SGCD: variants seen among roughly 807,000 people sequenced by gnomAD.
SGCD encodes delta-sarcoglycan.
SGCD carries 18 observed loss-of-function variants against 36.6 expected under a neutral mutation model. The observed-to-expected ratio is 0.49, with a 90% CI of 0.34 to 0.73. The LOEUF (loss-of-function observed/expected upper bound fraction) is 0.73, where lower values mean the gene tolerates loss of function less well. Ranked by LOEUF, SGCD falls within the 30% of genes least tolerant of loss-of-function variation. The probability of loss-of-function intolerance (pLI) is 0.01; values close to 1 mark genes in which losing one functional copy is unlikely to be tolerated. For synonymous variants in SGCD, 133 were observed against 130.6 expected, an observed-to-expected ratio of 1.02 and a Z score of -0.12; for missense variants, 387 against 346.7, an observed-to-expected ratio of 1.12 and a Z score of -0.92.
At chr5:155,957,007 A>C (rs951967028) in intron 1 of SGCD, among the ~76,000 whole-genome samples, 2 of 152,056 alleles carry the variant, frequency 1.3e-5, no homozygotes, top group African/African-American at 4.8e-5. Context: ...CAGTGTTGCT[A>C]TCACAGTATG....
Position 156,629,730 on chromosome 5 carries a change from G to A in SGCD, c.503-17734G>A, listed in dbSNP as rs534804106. ...GTGGGAAAGCAGCCATAAACAATAG[G>A]TAATCAAATGAATATGGCTGTGTTC... On this transcript the variant is annotated intron_variant, in intron 6 of 8. Coordinates refer to ENST00000337851, the MANE Select transcript of SGCD (RefSeq NM_000337.6). Among the ~76,000 whole-genome samples, 3 of 152,208 alleles carry A rather than the reference G, an allele frequency of 2.0e-5. No individual in the cohort carries two copies. In the East Asian group the frequency reaches 5.8e-4, roughly 29 times the overall value.
intron 3 of SGCD, among the ~76,000 whole-genome samples, chr5:156,225,675 T>A (rs895814980): frequency 6.6e-6 from 1 of 152,092 alleles, no homozygotes; most frequent in African/African-American, 2.4e-5. Flanking sequence ...TTGATTATTG[T>A]CTCTATCAAT....
At chr5:156,288,397 G>A (rs2127676587) in intron 3 of SGCD, among the ~76,000 whole-genome samples, 1 of 152,270 alleles carries the variant, frequency 6.6e-6, no homozygotes, top group Middle Eastern at 3.4e-3. Flanking sequence ...TTCTTTGCCT[G>A]CTGGAAATTA....
At chr5:156,399,481 A>C (rs1235895558) in intron 3 of SGCD, among the ~76,000 whole-genome samples, 4 of 152,216 alleles carry the variant, frequency 2.6e-5, no homozygotes, top group Admixed American at 2.6e-4. Context: ...GAGGATATCC[A>C]GTGTGGCTTT....
chr5:156,041,667 G>A (rs1759637137), intron 1 of SGCD, among the ~76,000 whole-genome samples: 1 of 152,172 alleles, frequency 6.6e-6, no homozygotes, highest in Admixed American at 6.5e-5. Context: ...TGAAGAGAGA[G>A]TGCTCTCTAT....
chr5:156,172,514 T>A (rs1202663000), intron 3 of SGCD, among the ~76,000 whole-genome samples: 1 of 152,214 alleles, frequency 6.6e-6, no homozygotes, highest in East Asian at 1.9e-4. Flanking sequence ...GGAGATTGAG[T>A]TTGATGACTC....
At chr5:156,019,674 C>T (rs1489014893) in intron 1 of SGCD, among the ~76,000 whole-genome samples, 3 of 152,120 alleles carry the variant, frequency 2.0e-5, no homozygotes, top group Admixed American at 6.5e-5. Context: ...AACACAGTGC[C>T]GTAAATTCAG....
chr5:155,904,578 A>G (rs77814937), intron 1 of SGCD, among the ~76,000 whole-genome samples: 1 of 152,144 alleles, frequency 6.6e-6, no homozygotes, highest in Non-Finnish European at 1.5e-5. Flanking sequence ...CTAAATGCTT[A>G]TATAGTATGT....
the SGCD span, among the ~76,000 whole-genome samples, chr5:155,810,467 A>G: frequency 6.6e-6 from 1 of 152,226 alleles, no homozygotes; most frequent in East Asian, 1.9e-4. Context: ...TATTTTCTAG[A>G]GCATTTTAAA....
chr5:155,942,330 G>GTGTGTATCTATCTATCTATC (rs1554105950), intron 1 of SGCD, among the ~76,000 whole-genome samples: 2 of 135,518 alleles, frequency 1.5e-5, no homozygotes, highest in Non-Finnish European at 3.2e-5. Flanking sequence ...ATGTATGTAT[G>GTGTGTATCTATCTATCTATC]TATGTATCTA....
At position 156,737,857 on chromosome 5, in the gene SGCD, A is replaced by G. The variant is rs1387690133; in HGVS notation, c.576-19724A>G. Among the ~76,000 whole-genome samples the G allele has an allele frequency of 2.0e-5, 3 of 152,298 alleles. No homozygotes were observed. The East Asian group carries it at 5.8e-4, about 29-fold the overall frequency. On this transcript the variant is annotated intron_variant, in intron 7 of 8. Coordinates refer to ENST00000337851, the MANE Select transcript of SGCD (RefSeq NM_000337.6). ...CTAGTCCAACCCTCTCATTGTATAC[A>G]GGAGAATGGGTCCCCATCGCGAGTT...
chr5:156,128,155 T>A (rs1254219508), intron 3 of SGCD, among the ~76,000 whole-genome samples: 1 of 151,994 alleles, frequency 6.6e-6, no homozygotes, highest in African/African-American at 2.4e-5. Context: ...AGACAAGCAG[T>A]GGTGCTTAAT....
rs140546548 is a variant in SGCD at position 156,096,075 on chromosome 5, A to G, written c.-281-21803A>G. Among the ~76,000 whole-genome samples the G allele has an allele frequency of 2.4e-4, 36 of 152,328 alleles. No individual in the cohort carries two copies. In the East Asian group the frequency reaches 6.0e-3, roughly 25 times the overall value. ...GCAGGAAGAGAAGGGACATTGCCCAAGACAAGACAAGAATATCTCAGCAGC... is the reference window on the plus strand; with the variant it reads ...GCAGGAAGAGAAGGGACATTGCCCAGGACAAGACAAGAATATCTCAGCAGC... On this transcript the variant is annotated intron_variant, in intron 1 of 9. Transcript: ENST00000517913.
At chr5:156,247,697 A>C (rs1765473492) in intron 3 of SGCD, among the ~76,000 whole-genome samples, 1 of 152,246 alleles carries the variant, frequency 6.6e-6, no homozygotes, top group Non-Finnish European at 1.5e-5. Context: ...TTCAATACAA[A>C]TACACAACGG....
intron 3 of SGCD, among the ~76,000 whole-genome samples, chr5:156,130,366 G>C (rs1449319023): frequency 6.6e-6 from 1 of 152,060 alleles, no homozygotes; most frequent in Non-Finnish European, 1.5e-5. Flanking sequence ...TAACTTCCTT[G>C]TAGATGCTGG....
chr5:156,196,200 A>G (rs941959607), intron 3 of SGCD, among the ~76,000 whole-genome samples: 4 of 152,148 alleles, frequency 2.6e-5, no homozygotes, highest in African/African-American at 9.6e-5. Context: ...GTGCAGTTAT[A>G]TAGCTCTTGA....
chr5:156,474,335 T>G (rs1330320242), intron 3 of SGCD, among the ~76,000 whole-genome samples: 1 of 152,288 alleles, frequency 6.6e-6, no homozygotes, highest in East Asian at 1.9e-4. Flanking sequence ...GCACCGTGTG[T>G]CAGGATCTCA....
intron 5 of SGCD, among the ~76,000 whole-genome samples, chr5:156,593,812 T>C (rs1473351213): frequency 1.3e-5 from 2 of 152,294 alleles, no homozygotes; most frequent in South Asian, 2.1e-4. Context: ...GACTCTCTCA[T>C]TGCTATTTAT....
the SGCD span, among the ~76,000 whole-genome samples, chr5:155,834,941 T>C: frequency 6.7e-6 from 1 of 149,852 alleles, no homozygotes; most frequent in Non-Finnish European, 1.5e-5. Context: ...ACTCAAACAA[T>C]TCTCCTGCCT....
Sources: gnomAD v4.1 joint callset for allele counts (sites outside exome capture counted in the v4.1 genomes callset) on GRCh38, gnomAD v4.1.1 for gene constraint, MANE v1.5 for transcripts, NCBI Gene and HGNC (gene_info 2026-07-23, HGNC 2026-07-21) for gene names.